KCNH5: variants seen among roughly 807,000 people sequenced by gnomAD.
KCNH5 encodes the protein potassium voltage-gated channel subfamily H member 5.
In KCNH5, 46 loss-of-function variants were observed where a neutral mutation model predicts 96.1. The ratio of observed to expected loss-of-function variants is 0.48; its 90% CI spans 0.38 to 0.61. KCNH5 has a LOEUF of 0.61. KCNH5 is among the 20% of genes least tolerant of loss of function. KCNH5 has a pLI of 0.00. For missense variants in KCNH5, 907 were observed against 1,225.8 expected (o/e 0.74, Z 3.88); for synonymous variants, 439 against 449.8 (o/e 0.98, Z 0.30).
At chr14:62,787,520 T>G (rs1421313883) in intron 9 of KCNH5, among the ~76,000 whole-genome samples, 1 of 152,216 alleles carries the variant, frequency 6.6e-6, no homozygotes, top group African/African-American at 2.4e-5. Flanking sequence ...AAATAACTGA[T>G]GAAGGTGACT....
intron 8 of KCNH5, among the ~76,000 whole-genome samples, chr14:62,840,414 A>G (rs1887552179): frequency 6.6e-6 from 1 of 152,132 alleles, no homozygotes; most frequent in Admixed American, 6.5e-5. Context: ...ATAGCCATGC[A>G]GCCCTCTCCT....
intron 6 of KCNH5, among the ~76,000 whole-genome samples, chr14:62,974,186 T>C (rs1279387668): frequency 6.6e-6 from 1 of 152,232 alleles, no homozygotes; most frequent in Non-Finnish European, 1.5e-5. Flanking sequence ...AGTTATCTTT[T>C]CCCAATTTCA....
chr14:62,793,279 G>C (rs922315305), intron 9 of KCNH5, among the ~76,000 whole-genome samples: 3 of 151,776 alleles, frequency 2.0e-5, no homozygotes, highest in African/African-American at 4.8e-5. Context: ...AATTTGTTAA[G>C]AGGGTAGATC....
At chr14:62,928,943 G>A (rs1370001244) in intron 7 of KCNH5, among the ~76,000 whole-genome samples, 3 of 151,894 alleles carry the variant, frequency 2.0e-5, no homozygotes, top group African/African-American at 7.3e-5. Flanking sequence ...TATCAGCTCC[G>A]TATCAACAAT....
At position 62,946,201 on chromosome 14, in the gene KCNH5, T is replaced by C. The variant is rs145634558; in HGVS notation, c.1369+3932A>G. On this transcript the variant is annotated intron_variant, in intron 7 of 10. Coordinates refer to ENST00000322893, the MANE Select transcript of KCNH5 (RefSeq NM_139318.5). ...AAGGTAAACCCTACAGGCCATGTTA[T>C]TAATAGATGTAACATAGAAAAACAG... Among the ~76,000 whole-genome samples the C allele has an allele frequency of 6.7e-4, 102 of 152,226 alleles. 2 individuals carry two copies. In the East Asian group the frequency reaches 0.015, roughly 22 times the overall value.
intron 10 of KCNH5, among the ~76,000 whole-genome samples, chr14:62,751,898 C>A (rs1361135610): frequency 1.3e-5 from 2 of 152,332 alleles, no homozygotes; most frequent in East Asian, 3.9e-4. Context: ...AAAATGTACT[C>A]CCAAAAGGGT....
chr14:62,727,199 T>C (rs1884945785), intron 10 of KCNH5, among the ~76,000 whole-genome samples: 2 of 151,996 alleles, frequency 1.3e-5, no homozygotes, highest in Admixed American at 1.3e-4. Flanking sequence ...ACCCCGTCTC[T>C]ACTAAAAATA....
chr14:62,874,678 ATGG>A (rs2140069775), intron 7 of KCNH5, among the ~76,000 whole-genome samples: 1 of 148,966 alleles, frequency 6.7e-6, no homozygotes, highest in East Asian at 2.0e-4. Context: ...TTAGGTATTG[ATGG>A]GACGTATTTC....
At chr14:62,743,574 T>TA (rs1198463776) in intron 10 of KCNH5, among the ~76,000 whole-genome samples, 1 of 152,206 alleles carries the variant, frequency 6.6e-6, no homozygotes, top group Non-Finnish European at 1.5e-5. Context: ...TTAAGATCTT[T>TA]AAAAAATCTA....
chr14:62,710,894 A>G (rs1372533632), intron 10 of KCNH5, among the ~76,000 whole-genome samples: 2 of 152,164 alleles, frequency 1.3e-5, no homozygotes, highest in Non-Finnish European at 2.9e-5. Context: ...TCAAATTTTA[A>G]TTTTACCTGG....
Position 62,950,251 on chromosome 14 carries a change from T to G in KCNH5, c.1251A>C (p.Ser417=). 1 of 1,614,022 alleles carries G rather than the reference T, an allele frequency of 6.2e-7. No homozygotes were observed. The highest frequency in any genetic ancestry group is 8.5e-7 in the Non-Finnish European group (1 of 1,179,940). The change falls in exon 7 of 11, where the codon TCA becomes TCC. Residue 417 remains serine (S), a synonymous_variant. Coordinates refer to ENST00000322893, the MANE Select transcript of KCNH5 (RefSeq NM_139318.5). ...TAAAGTAGAGAGAGGACACGTACAA[T>G]GAATCCTTGCTGGGTCCTCCTTCCC... The part of the protein sequence containing the change: ...GIWEGGPSKD[S]LYVSSLYFTM...
intron 7 of KCNH5, among the ~76,000 whole-genome samples, chr14:62,865,205 T>A (rs751629936): frequency 3.3e-5 from 5 of 152,096 alleles, no homozygotes; most frequent in Non-Finnish European, 7.4e-5. Flanking sequence ...ATGTTTTCTT[T>A]ACAAGGCTTG....
At chr14:62,817,433 C>T (rs374010357) in intron 8 of KCNH5, among the ~76,000 whole-genome samples, 1 of 147,976 alleles carries the variant, frequency 6.8e-6, no homozygotes, top group Non-Finnish European at 1.5e-5. Context: ...TGCATATTTG[C>T]TCAGGAAGAA....
chr14:62,854,372 T>C (rs1887889621), intron 7 of KCNH5, among the ~76,000 whole-genome samples: 1 of 152,158 alleles, frequency 6.6e-6, no homozygotes, highest in South Asian at 2.1e-4. Context: ...ACATTTTATT[T>C]TCATATCAAA....
intron 9 of KCNH5, among the ~76,000 whole-genome samples, chr14:62,799,865 A>G (rs996266699): frequency 2.1e-5 from 3 of 144,436 alleles, no homozygotes; most frequent in Non-Finnish European, 4.5e-5. Context: ...TATTTAATAT[A>G]TATATAATCC....
At chr14:63,002,685 T>C (rs1369519997) in intron 3 of KCNH5, among the ~76,000 whole-genome samples, 9 of 152,170 alleles carry the variant, frequency 5.9e-5, no homozygotes, top group African/African-American at 2.2e-4. Flanking sequence ...AGGGGAATTT[T>C]TCATTTAGAC....
chr14:62,825,906 T>G (rs1887214834), intron 8 of KCNH5, among the ~76,000 whole-genome samples: 1 of 152,110 alleles, frequency 6.6e-6, no homozygotes, highest in African/African-American at 2.4e-5. Context: ...TTGTTCTGCC[T>G]AATTGAAATT....
chr14:62,890,698 C>CAAA (rs1277209731), intron 7 of KCNH5, among the ~76,000 whole-genome samples: 86 of 55,806 alleles, frequency 1.5e-3, no homozygotes, highest in African/African-American at 5.2e-3. Context: ...GACTCCGTCT[C>CAAA]AAAAAAAAAA....
intron 7 of KCNH5, among the ~76,000 whole-genome samples, chr14:62,861,156 C>G (rs548253102): frequency 6.6e-6 from 1 of 152,246 alleles, no homozygotes; most frequent in African/African-American, 2.4e-5. Flanking sequence ...GGGTCAACAC[C>G]AACACACAAC....
Sources: allele counts gnomAD v4.1 joint callset (sites outside exome capture counted in the v4.1 genomes callset), GRCh38; gene constraint gnomAD v4.1.1; transcripts MANE v1.5; gene names NCBI Gene and HGNC (gene_info 2026-07-23, HGNC 2026-07-21).